AK9: variants seen among roughly 807,000 people sequenced by gnomAD.
AK9 encodes the protein adenylate kinase domain containing 1.
Under a neutral mutation model 239.6 loss-of-function variants are expected in AK9, and 191 were observed. The observed-to-expected ratio is 0.80, with a 90% CI of 0.71 to 0.90. The LOEUF is 0.90. AK9 is among the 40% of genes least tolerant of loss of function. AK9 has a pLI of 0.00. For synonymous variants in AK9, 689 were observed against 721.0 expected, an observed-to-expected ratio of 0.96 and a Z score of 0.71; for missense variants, 1,995 against 2,214.7, an observed-to-expected ratio of 0.90 and a Z score of 1.99.
At position 109,585,915 on chromosome 6, in the gene AK9, C is replaced by A. The variant is rs1190865589; in HGVS notation, c.1999+1G>T. 4.6e-6 allele frequency: 7 copies of A among 1,527,360 alleles called. No homozygotes were observed. Among genetic ancestry groups the A allele is most frequent in the African/African-American group, 2.8e-5 (2 of 71,520 alleles). The allele number at this position is 1,527,360 out of a possible 1,614,324, so 94.6% of individuals were successfully genotyped here. ...AATTTACATAATAAATATTTACCAA[C>A]CATTGTTTTCTGTATCTGATAAATA... is the stretch of plus-strand genomic sequence containing the variant. On this transcript the variant is annotated splice_donor_variant, in intron 18 of 40. Transcript: ENST00000424296. LOFTEE classifies it high-confidence loss of function.
At chr6:109,688,970 G>A (rs1773910268) in intron 1 of AK9, among the ~76,000 whole-genome samples, 1 of 152,214 alleles carries the variant, frequency 6.6e-6, no homozygotes, top group Admixed American at 6.5e-5. Context: ...CATGTCCAGT[G>A]AATGGGTAAT....
At chr6:109,622,268 A>G (rs897844694) in intron 12 of AK9, among the ~76,000 whole-genome samples, 2 of 144,358 alleles carry the variant, frequency 1.4e-5, no homozygotes, top group African/African-American at 5.0e-5. Flanking sequence ...ATACATTCCT[A>G]TAAGAAAAAG....
At chr6:109,592,540 A>C in intron 17 of AK9, among the ~76,000 whole-genome samples, 1 of 142,122 alleles carries the variant, frequency 7.0e-6, no homozygotes, top group Non-Finnish European at 1.5e-5. Context: ...TCCACCTCCC[A>C]GGTTCACGCC....
Position 109,586,982 on chromosome 6 carries a change from G to T in AK9, c.1843-910C>A, listed in dbSNP as rs192377938. Among the ~76,000 whole-genome samples the T allele has an allele frequency of 2.0e-5, 3 of 152,028 alleles. 1 individual carries two copies. Among genetic ancestry groups the T allele is most frequent in the East Asian group, 1.9e-4 (1 of 5,142 alleles). On this transcript the variant is annotated intron_variant, in intron 17 of 40. Coordinates refer to ENST00000424296, the MANE Select transcript of AK9 (RefSeq NM_001145128.3). ...CAGAATTTAAAATTATCTGCTTTTTGATTTTTTTTTAGACGAGGTCTTGCT... is the reference window on the plus strand; with the variant it reads ...CAGAATTTAAAATTATCTGCTTTTTTATTTTTTTTTAGACGAGGTCTTGCT...
At chr6:109,624,402 AAAG>A (rs1795272587) in intron 12 of AK9, among the ~76,000 whole-genome samples, 1 of 152,196 alleles carries the variant, frequency 6.6e-6, no homozygotes, top group Non-Finnish European at 1.5e-5. Flanking sequence ...AGCTTCTGAC[AAAG>A]AATACATGAG....
chr6:109,679,316 T>C (rs1381825025), intron 1 of AK9, among the ~76,000 whole-genome samples: 2 of 151,214 alleles, frequency 1.3e-5, no homozygotes, highest in Non-Finnish European at 2.9e-5. Flanking sequence ...GATTTTCCCC[T>C]CACAGTGTAA....
chr6:109,643,475 A>C (rs368090373), intron 9 of AK9, among the ~76,000 whole-genome samples: 1 of 152,236 alleles, frequency 6.6e-6, no homozygotes, highest in Non-Finnish European at 1.5e-5. Context: ...ACCCTAGGTT[A>C]GGCCACTATC....
chr6:109,515,421 G>A (rs76781054), intron 31 of AK9, among the ~76,000 whole-genome samples: 277 of 152,246 alleles, frequency 1.8e-3, no homozygotes, highest in African/African-American at 6.5e-3. Context: ...TCAATGCTAC[G>A]TTTGAATATC....
chr6:109,557,062 C>G (rs1389935492), intron 24 of AK9, among the ~76,000 whole-genome samples: 5 of 152,032 alleles, frequency 3.3e-5, no homozygotes, highest in Non-Finnish European at 7.4e-5. Context: ...GGAGAAGATG[C>G]ACTCTGACCT....
At chr6:109,647,704 C>A (rs1474478968) in intron 8 of AK9, among the ~76,000 whole-genome samples, 2 of 152,180 alleles carry the variant, frequency 1.3e-5, no homozygotes, top group East Asian at 3.9e-4. Flanking sequence ...AACAAGGATA[C>A]CCAGGAATTG....
chr6:109,684,631 T>C (rs1458415438), intron 1 of AK9, among the ~76,000 whole-genome samples: 1 of 150,554 alleles, frequency 6.6e-6, no homozygotes, highest in Non-Finnish European at 1.5e-5. Flanking sequence ...TCCCAGCACT[T>C]TGGGAGGCCG....
chr6:109,514,248 G>GC lies in AK9; in HGVS notation c.4254dup (p.Pro1419AlafsTer16), dbSNP rs1185077424. 2.6e-6 allele frequency: 4 copies of GC among 1,551,022 alleles called. No homozygotes were observed. Among genetic ancestry groups the GC allele is most frequent in the Non-Finnish European group, 3.5e-6 (4 of 1,146,844 alleles). ...CCTGTAGTTTTCCCAGATTTTGGAGGCCCCACAATTATAATCCTAATGGGC... is the reference window on the plus strand; with the variant it reads ...CCTGTAGTTTTCCCAGATTTTGGAGGCCCCCACAATTATAATCCTAATGGGC... On this transcript the variant is annotated frameshift_variant, in exon 32 of 41. Transcript: ENST00000424296. LOFTEE classifies it high-confidence loss of function.
At chr6:109,604,267 A>G (rs1792539968) in intron 17 of AK9, among the ~76,000 whole-genome samples, 1 of 152,000 alleles carries the variant, frequency 6.6e-6, no homozygotes, top group African/African-American at 2.4e-5. Context: ...GTCTATTGAG[A>G]TTTTCCCTTA....
At position 109,672,166 on chromosome 6, in the gene AK9, A is replaced by C. The variant is rs1771017262; in HGVS notation, c.183T>G (p.Ala61=). 1 of 1,611,522 alleles carries C rather than the reference A, an allele frequency of 6.2e-7. No homozygotes were observed. Among genetic ancestry groups the C allele is most frequent in the Non-Finnish European group, 8.5e-7 (1 of 1,178,598 alleles). Residue 61 remains alanine (A), a splice_region_variant and synonymous_variant, in exon 4 of 41, where the codon GCT becomes GCG. Transcript: ENST00000424296. The part of the protein sequence containing the change: ...TQAWKCIRVE[A]LPILEEQIAA... ...CAATCTGTTCTTCTAAAATTGGCAA[A>C]GCTAAAACATGAATTCAAAATATTA...
At chr6:109,610,233 A>T (rs1163881284) in intron 17 of AK9, 132 bp downstream of exon 17, 12 of 1,156,458 alleles carry the variant, frequency 1.0e-5, no homozygotes, top group Non-Finnish European at 1.5e-5. Flanking sequence ...TGCTGACTAC[A>T]AAATGTACAT....
chr6:109,677,845 A>G (rs1358472461), intron 1 of AK9, among the ~76,000 whole-genome samples: 3 of 152,220 alleles, frequency 2.0e-5, no homozygotes, highest in African/African-American at 7.2e-5. Context: ...CATTAGAGAA[A>G]TGCAATTAAA....
intron 17 of AK9, among the ~76,000 whole-genome samples, chr6:109,605,387 C>A (rs1409584535): frequency 1.3e-5 from 2 of 152,104 alleles, no homozygotes; most frequent in African/African-American, 4.8e-5. Flanking sequence ...TTCTGCTATC[C>A]TTAATGTGAC....
intron 24 of AK9, among the ~76,000 whole-genome samples, chr6:109,552,157 T>C (rs1784445537): frequency 6.6e-6 from 1 of 152,238 alleles, no homozygotes; most frequent in African/African-American, 2.4e-5. Context: ...ATGTCTTTTC[T>C]ATTGTAAATA....
chr6:109,506,412 G>T lies in AK9; in HGVS notation c.4764C>A (p.Ser1588Arg). The change falls in exon 35 of 41, where the codon AGC (serine) becomes AGA (arginine). Residue 1588 changes from serine to arginine, a missense_variant. By Grantham distance (110) the Ser-to-Arg change is moderately radical (BLOSUM62 -1). This residue lies in a region of AK9 where 391 missense variants were observed against 456.0 expected (regional missense o/e 0.86). Coordinates refer to ENST00000424296, the MANE Select transcript of AK9 (RefSeq NM_001145128.3). ...QNWYVIDGFHSKWWVWNEVIK... is the reference protein window; with the variant it reads ...QNWYVIDGFHRKWWVWNEVIK... ...TGACTTCATTCCATACCCACCATTT[G>T]CTGTGAAATCCATCAATCACATACC... 1 of 1,613,702 alleles carries T rather than the reference G, an allele frequency of 6.2e-7. No homozygotes were observed. Among genetic ancestry groups the T allele is most frequent in the Non-Finnish European group, 8.5e-7 (1 of 1,179,928 alleles).
Sources: allele counts gnomAD v4.1 joint callset (sites outside exome capture counted in the v4.1 genomes callset), GRCh38; gene constraint gnomAD v4.1.1; regional missense constraint gnomAD v4.1.1; transcripts MANE v1.5; gene names NCBI Gene and HGNC (gene_info 2026-07-23, HGNC 2026-07-21).